DESI2: variants seen among roughly 807,000 people sequenced by gnomAD.
DESI2 encodes the protein desumoylating isopeptidase 2.
Under a neutral mutation model 24.1 loss-of-function variants are expected in DESI2, and 10 were observed. The observed-to-expected ratio is 0.41, with a 90% CI of 0.26 to 0.70. The LOEUF (loss-of-function observed/expected upper bound fraction) is 0.70, where lower values mean the gene tolerates loss of function less well. DESI2 is among the 30% of genes least tolerant of loss of function. The pLI is 0.29. For synonymous variants in DESI2, 71 were observed against 87.7 expected (o/e 0.81, Z 1.06); for missense variants, 122 against 234.9 (o/e 0.52, Z 3.14).
chr1:244,666,842 A>G (rs947648063), intron 1 of DESI2, among the ~76,000 whole-genome samples: 1 of 152,164 alleles, frequency 6.6e-6, no homozygotes, highest in Non-Finnish European at 1.5e-5. Flanking sequence ...CCTCAGAATC[A>G]TGGCGGGTGG....
rs1423349385 is a variant in DESI2 at position 244,686,285 on chromosome 1, TAA to T, written c.43-311_43-310del. On this transcript the variant is annotated intron_variant, in intron 1 of 4. Transcript: ENST00000302550. ...GTGTGTATGTGTGTGTGTGTGTGTG[TAA>T]GTCACTAACAGCAGAGCTCTTATAT... 1.1e-4 allele frequency among the ~76,000 whole-genome samples: 16 copies of T among 151,838 alleles called. No individual in the cohort carries two copies. In the South Asian group the frequency reaches 3.3e-3, roughly 32 times the overall value.
chr1:244,653,615 A>C (rs112084217), intron 1 of DESI2: 7,397 of 523,442 alleles, frequency 0.014, 461 homozygotes, highest in African/African-American at 0.13. Flanking sequence ...CTCAGCTTGG[A>C]CCCGACCCCG....
intron 4 of DESI2, among the ~76,000 whole-genome samples, chr1:244,704,920 A>G (rs912511135): frequency 6.6e-6 from 1 of 152,150 alleles, no homozygotes; most frequent in African/African-American, 2.4e-5. Flanking sequence ...AGCCTCCCAA[A>G]GTGCTGGTAT....
chr1:244,695,639 G>A (rs1236550964), intron 4 of DESI2, among the ~76,000 whole-genome samples: 1 of 152,128 alleles, frequency 6.6e-6, no homozygotes, highest in African/African-American at 2.4e-5. Flanking sequence ...GGCAACAGGA[G>A]CAAAACTCCA....
intron 4 of DESI2, among the ~76,000 whole-genome samples, chr1:244,704,214 G>A (rs1426203433): frequency 6.6e-6 from 1 of 152,178 alleles, no homozygotes; most frequent in Non-Finnish European, 1.5e-5. Context: ...TTAGACATAA[G>A]GTACTGTGAA....
intron 4 of DESI2, 70 bp downstream of exon 4, chr1:244,692,090 T>A: frequency 7.7e-7 from 1 of 1,297,270 alleles, no homozygotes; most frequent in Non-Finnish European, 1.1e-6. Context: ...GATATCCCAC[T>A]ATATTCGATC....
chr1:244,706,479 C>G lies in DESI2; in HGVS notation c.*690C>G, dbSNP rs537538041. 6.5e-6 allele frequency: 1 copy of G among 152,684 alleles called. No homozygotes were observed. The highest frequency in any genetic ancestry group is 6.5e-5 in the Admixed American group (1 of 15,276). 9.5% of individuals were successfully genotyped at this position (152,684 alleles called of 1,614,324 possible). A position where few individuals can be genotyped will look rare whatever the true frequency, so the allele number is the denominator to read the frequency against. On this transcript the variant is annotated 3_prime_UTR_variant, in exon 5 of 5. Coordinates refer to ENST00000302550, the MANE Select transcript of DESI2 (RefSeq NM_016076.5). The stretch of plus-strand genomic sequence containing the variant: ...ACCTAGGCGGGGTGGTATGTTCTTA[C>G]GTCTCTCTGACTTTGATGCCACTCA...
At chr1:244,687,929 G>A (rs1024783511) in intron 2 of DESI2, among the ~76,000 whole-genome samples, 5 of 152,186 alleles carry the variant, frequency 3.3e-5, no homozygotes, top group Non-Finnish European at 4.4e-5. Flanking sequence ...ACATGATCAT[G>A]GTGGGTTAGG....
rs1677697008 is a variant in DESI2, at chr1:244,706,176, A to AGTTGCC, written c.*387_*388insGTTGCC. 1 of 193,832 alleles carries AGTTGCC rather than the reference A, an allele frequency of 5.2e-6. No individual in the cohort carries two copies. Among genetic ancestry groups the AGTTGCC allele is most frequent in the South Asian group, 9.1e-5 (1 of 10,956 alleles). The allele number at this position is 193,832 out of a possible 1,614,324, so 12.0% of individuals were successfully genotyped here. A position where few individuals can be genotyped will look rare whatever the true frequency, so the allele number is the denominator to read the frequency against. ...CAGGTAATCTTTGTATACTTCTGACAATTGCCAGATCTATGGCATAAATAG... is the reference window on the plus strand; with the variant it reads ...CAGGTAATCTTTGTATACTTCTGACAGTTGCCATTGCCAGATCTATGGCATAAATAG... On this transcript the variant is annotated 3_prime_UTR_variant, in exon 5 of 5. Transcript: ENST00000302550.
At chr1:244,703,415 GCA>G (rs112840544) in intron 4 of DESI2, among the ~76,000 whole-genome samples, 28 of 152,190 alleles carry the variant, frequency 1.8e-4, no homozygotes, top group African/African-American at 6.7e-4. Context: ...TAGTGCAGTG[GCA>G]CAGTCTTGGC....
chr1:244,699,424 A>C (rs1232497579), intron 4 of DESI2, among the ~76,000 whole-genome samples: 1 of 151,858 alleles, frequency 6.6e-6, no homozygotes, highest in Non-Finnish European at 1.5e-5. Context: ...TGTACTAAAA[A>C]TACAGAAATT....
chr1:244,689,571 G>A lies in DESI2; in HGVS notation c.209+229G>A, dbSNP rs1008722127. 6.6e-6 allele frequency among the ~76,000 whole-genome samples: 1 copy of A among 151,792 alleles called. No homozygotes were observed. Among genetic ancestry groups the A allele is most frequent in the Non-Finnish European group, 1.5e-5 (1 of 68,004 alleles). ...GTCTCCCAGGCTGGAGAGAAGTGGC[G>A]TGATCTCAGCTCACTGCAGCGTCCG... On this transcript the variant is annotated intron_variant, in intron 3 of 4. Transcript: ENST00000302550. This position sits in a 1 kb window ranked among gnomAD's most constrained non-coding sequence, Gnocchi z 4.0.
At chr1:244,691,573 A>G (rs1677032212) in intron 3 of DESI2, among the ~76,000 whole-genome samples, 1 of 152,244 alleles carries the variant, frequency 6.6e-6, no homozygotes, top group South Asian at 2.1e-4. Context: ...TGCTAATACA[A>G]TAGTTGTGAA....
intron 4 of DESI2, 129 bp downstream of exon 4, chr1:244,692,149 G>A: frequency 2.5e-6 from 2 of 807,440 alleles, no homozygotes; most frequent in Non-Finnish European, 3.8e-6. Context: ...ATATGGTATT[G>A]TATTTCAATC....
At chr1:244,678,131 G>T (rs1475591328) in intron 1 of DESI2, among the ~76,000 whole-genome samples, 2 of 152,142 alleles carry the variant, frequency 1.3e-5, no homozygotes, top group Admixed American at 6.6e-5. Context: ...AAAGCAAGCA[G>T]ATACTCATTT....
intron 4 of DESI2, among the ~76,000 whole-genome samples, chr1:244,694,947 C>T (rs1157978146): frequency 6.6e-6 from 1 of 152,184 alleles, no homozygotes; most frequent in African/African-American, 2.4e-5. Context: ...GAATTGGGTG[C>T]TAAGTGGCTT....
In DESI2 at chr1:244,653,668, G is replaced by T. The variant is rs76533491; in HGVS notation, c.42+313G>T. 1,340 of 473,378 alleles carry T rather than the reference G, an allele frequency of 2.8e-3. 19 individuals carry two copies. Among genetic ancestry groups the T allele is most frequent in the African/African-American group, 0.024 (1,194 of 49,958 alleles). The allele number at this position is 473,378 out of a possible 1,614,324, so 29.3% of individuals were successfully genotyped here. A position where few individuals can be genotyped will look rare whatever the true frequency, so the allele number is the denominator to read the frequency against. On this transcript the variant is annotated intron_variant, in intron 1 of 4. Coordinates refer to ENST00000302550, the MANE Select transcript of DESI2 (RefSeq NM_016076.5). ...TTGGCCGACGTGCAGTGTCCTTTCG[G>T]CAAAGCTTCCGTTGCGTTTCCAACC... is the stretch of plus-strand genomic sequence containing the variant.
intron 4 of DESI2, among the ~76,000 whole-genome samples, chr1:244,704,106 A>C (rs1677595750): frequency 6.6e-6 from 1 of 152,252 alleles, no homozygotes. Context: ...TATTTAAAAT[A>C]AATGTAATAA....
chr1:244,680,651 A>T (rs1026290974), intron 1 of DESI2, among the ~76,000 whole-genome samples: 59 of 152,368 alleles, frequency 3.9e-4, no homozygotes, highest in African/African-American at 1.3e-3. Flanking sequence ...AAGGTGATAT[A>T]CACCATATTT....
Sources: gnomAD v4.1 joint callset for allele counts (sites outside exome capture counted in the v4.1 genomes callset) on GRCh38, gnomAD v4.1.1 for gene constraint, Gnocchi (gnomAD v3.1) non-coding constraint, MANE v1.5 for transcripts, NCBI Gene and HGNC (gene_info 2026-07-23, HGNC 2026-07-21) for gene names.